Variants in SLC4A10 observed in about 807,000 individuals in gnomAD.
SLC4A10 encodes the protein solute carrier family 4 member 10.
SLC4A10 carries 42 observed loss-of-function variants against 137.7 expected under a neutral mutation model. The ratio of observed to expected loss-of-function variants is 0.30; its 90% CI spans 0.24 to 0.39. The LOEUF is 0.39. Ranked by LOEUF, SLC4A10 falls within the 10% of genes least tolerant of loss-of-function variation. The pLI is 1.00. For synonymous variants in SLC4A10, 474 were observed against 464.1 expected, an observed-to-expected ratio of 1.02 and a Z score of -0.27; for missense variants, 925 against 1,355.0, an observed-to-expected ratio of 0.68 and a Z score of 4.98.
intron 1 of SLC4A10, among the ~76,000 whole-genome samples, chr2:161,636,923 C>T (rs996424891): frequency 2.0e-5 from 3 of 149,874 alleles, no homozygotes; most frequent in Non-Finnish European, 4.4e-5. Flanking sequence ...CAGTATGTTG[C>T]TCAGGCTGGT....
chr2:161,914,926 G>T (rs907294808), intron 15 of SLC4A10, among the ~76,000 whole-genome samples: 3 of 152,044 alleles, frequency 2.0e-5, no homozygotes, highest in Non-Finnish European at 4.4e-5. Context: ...CCCCACTTTC[G>T]AGCCAAAAAG....
chr2:161,652,079 T>C (rs2036877732), intron 1 of SLC4A10, among the ~76,000 whole-genome samples: 7 of 152,224 alleles, frequency 4.6e-5, no homozygotes. Context: ...GTTACTATTC[T>C]ATCCCTTTCA....
In SLC4A10 at chr2:161,887,282, G is replaced by T. The variant is rs548405332; in HGVS notation, c.1194+4838G>T. 1.3e-3 allele frequency among the ~76,000 whole-genome samples: 203 copies of T among 152,224 alleles called. 1 individual carries two copies. Among genetic ancestry groups the T allele is most frequent in the African/African-American group, 4.7e-3 (196 of 41,536 alleles). On this transcript the variant is annotated intron_variant, in intron 10 of 26. Coordinates refer to ENST00000446997, the MANE Select transcript of SLC4A10 (RefSeq NM_001178015.2). ...GTAGTACGTTTATATCTTTATAGTAGAACGTATCTTTATAGTAGAATGATT... is the reference window on the plus strand; with the variant it reads ...GTAGTACGTTTATATCTTTATAGTATAACGTATCTTTATAGTAGAATGATT...
At chr2:161,862,377 A>G (rs1218038558) in intron 5 of SLC4A10, among the ~76,000 whole-genome samples, 1 of 152,174 alleles carries the variant, frequency 6.6e-6, no homozygotes, top group Non-Finnish European at 1.5e-5. Flanking sequence ...TGTTCACTTA[A>G]TGGGGAAACA....
chr2:161,954,070 A>G (rs1449230204), intron 19 of SLC4A10, among the ~76,000 whole-genome samples: 3 of 152,196 alleles, frequency 2.0e-5, no homozygotes. Flanking sequence ...GCTTCTTTTG[A>G]CATCATTTTT....
chr2:161,830,551 T>A (rs1163894669), intron 3 of SLC4A10, among the ~76,000 whole-genome samples: 1 of 151,724 alleles, frequency 6.6e-6, no homozygotes, highest in South Asian at 2.1e-4. Flanking sequence ...TTTCTGTTTT[T>A]AAAAAAAACC....
intron 3 of SLC4A10, among the ~76,000 whole-genome samples, chr2:161,810,047 T>C (rs1172547628): frequency 1.3e-5 from 2 of 152,184 alleles, no homozygotes; most frequent in Non-Finnish European, 2.9e-5. Context: ...TTGTCTCTGA[T>C]TTCTTTCAGC....
intron 22 of SLC4A10, 120 bp from the exon 23 acceptor site, chr2:161,964,931 T>C (rs1346191219): frequency 9.9e-6 from 8 of 811,112 alleles, no homozygotes; most frequent in Non-Finnish European, 1.3e-5. Context: ...TATATATCTT[T>C]AATTTTTACT....
At chr2:161,818,530 G>A (rs1485002640) in intron 3 of SLC4A10, among the ~76,000 whole-genome samples, 1 of 152,162 alleles carries the variant, frequency 6.6e-6, no homozygotes, top group African/African-American at 2.4e-5. Context: ...TAGGAGTGGT[G>A]AGAGAGGGCA....
At chr2:161,946,649 T>C (rs1024239637) in intron 16 of SLC4A10, among the ~76,000 whole-genome samples, 2 of 152,024 alleles carry the variant, frequency 1.3e-5, no homozygotes, top group African/African-American at 4.8e-5. Flanking sequence ...TAAAATAACT[T>C]TTTTTCATTC....
chr2:161,711,927 A>G (rs961960643), intron 1 of SLC4A10, among the ~76,000 whole-genome samples: 2 of 151,886 alleles, frequency 1.3e-5, no homozygotes, highest in African/African-American at 4.8e-5. Context: ...CCTGACATAT[A>G]TCAAACATAT....
At chr2:161,955,044 T>G (rs2105851007) in intron 19 of SLC4A10, among the ~76,000 whole-genome samples, 1 of 152,268 alleles carries the variant, frequency 6.6e-6, no homozygotes, top group South Asian at 2.1e-4. Context: ...CACCAGCTCC[T>G]CTTCCATCTT....
At chr2:161,835,463 T>G (rs143508686) in intron 3 of SLC4A10, among the ~76,000 whole-genome samples, 1 of 152,200 alleles carries the variant, frequency 6.6e-6, no homozygotes. Context: ...CAGTAGATTA[T>G]GTAAGCTTCA....
At chr2:161,806,692 C>T (rs1485707236) in intron 3 of SLC4A10, among the ~76,000 whole-genome samples, 1 of 152,080 alleles carries the variant, frequency 6.6e-6, no homozygotes, top group Non-Finnish European at 1.5e-5. Flanking sequence ...CCTGAGATTG[C>T]CTGGACCTTA....
At chr2:161,976,572 C>A (rs950382491) in intron 24 of SLC4A10, among the ~76,000 whole-genome samples, 188 bp from the exon 25 acceptor site, 1 of 152,092 alleles carries the variant, frequency 6.6e-6, no homozygotes, top group East Asian at 1.9e-4. Flanking sequence ...TATTTAGTAA[C>A]CCTGAACTGT....
chr2:161,820,666 A>C (rs1377572440), intron 3 of SLC4A10, among the ~76,000 whole-genome samples: 1 of 152,212 alleles, frequency 6.6e-6, no homozygotes, highest in East Asian at 1.9e-4. Flanking sequence ...GTGCTTCTAT[A>C]TGCACGGTAT....
At chr2:161,640,599 TCC>T (rs1558923233) in intron 1 of SLC4A10, among the ~76,000 whole-genome samples, 5 of 94,586 alleles carry the variant, frequency 5.3e-5, no homozygotes, top group African/African-American at 2.3e-4. Flanking sequence ...TTTCTTTCCT[TCC>T]TTCCTTCCTT....
chr2:161,938,863 C>G (rs974631526), intron 15 of SLC4A10, among the ~76,000 whole-genome samples: 5 of 151,444 alleles, frequency 3.3e-5, no homozygotes, highest in African/African-American at 9.7e-5. Flanking sequence ...CATACATATC[C>G]TAGGGAAAAA....
intron 3 of SLC4A10, among the ~76,000 whole-genome samples, chr2:161,829,966 C>A (rs2058325471): frequency 6.6e-6 from 1 of 152,074 alleles, no homozygotes; most frequent in Admixed American, 6.5e-5. Context: ...CCCCATGATT[C>A]AATTATCTCT....
Sources: allele counts gnomAD v4.1 joint callset (sites outside exome capture counted in the v4.1 genomes callset), GRCh38; gene constraint gnomAD v4.1.1; transcripts MANE v1.5; gene names NCBI Gene and HGNC (gene_info 2026-07-23, HGNC 2026-07-21).